Variants in MROH9 observed in about 807,000 individuals in gnomAD.
MROH9 encodes maestro heat like repeat family member 9.
MROH9 carries 92 observed loss-of-function variants against 98.2 expected under a neutral mutation model. That is an observed-to-expected ratio of 0.94 (90% confidence interval 0.79 to 1.11). MROH9 has a LOEUF of 1.11. Ranked by LOEUF, MROH9 falls within the 50% of genes most tolerant of loss-of-function variation. The pLI is 0.00. For missense variants in MROH9, 1,057 were observed against 1,014.8 expected (o/e 1.04, Z -0.57); for synonymous variants, 397 against 368.9 (o/e 1.08, Z -0.87).
At chr1:171,010,816 C>T (rs987773041) in intron 15 of MROH9, among the ~76,000 whole-genome samples, 2 of 151,662 alleles carry the variant, frequency 1.3e-5, no homozygotes, top group African/African-American at 4.8e-5. Flanking sequence ...TAAATTTGTT[C>T]AAGTTCTTTG....
intron 15 of MROH9, among the ~76,000 whole-genome samples, chr1:171,010,013 T>C (rs958153653): frequency 2.0e-5 from 3 of 152,228 alleles, no homozygotes; most frequent in African/African-American, 7.2e-5. Flanking sequence ...TTTTGTTACA[T>C]AGGTATACAC....
intron 20 of MROH9, among the ~76,000 whole-genome samples, chr1:171,050,370 GTTC>G (rs1344574139): frequency 8.5e-5 from 13 of 152,076 alleles, no homozygotes; most frequent in African/African-American, 3.1e-4. Context: ...GTGTTTTATA[GTTC>G]TTCTTATAGA....
At position 171,024,406 on chromosome 1, in the gene MROH9, C is replaced by T. The variant is rs1446202480; in HGVS notation, c.1920C>T (p.Gly640=). The T allele has an allele frequency of 1.3e-6, 2 of 1,550,754 alleles. No individual in the cohort carries two copies. Among genetic ancestry groups the T allele is most frequent in the Non-Finnish European group, 1.7e-6 (2 of 1,146,784 alleles). ...TTTGTCTTTTACAGATTAATGGAGG[C>T]ATTCGAAGTATGGCAATTCGACACT... The part of the protein sequence containing the change: ...YCTLMDHING[G]IRSMAIRHFG... Residue 640 remains glycine, a synonymous_variant, in exon 18 of 22, where the codon GGC becomes GGT. Coordinates refer to ENST00000367759, the MANE Select transcript of MROH9 (RefSeq NM_001163629.2).
chr1:170,990,026 C>A, intron 11 of MROH9, 23 bp downstream of exon 11: 1 of 1,593,872 alleles, frequency 6.3e-7, no homozygotes, highest in Non-Finnish European at 8.6e-7. Flanking sequence ...AACCCTCTGT[C>A]CCTTCCACAA....
At chr1:170,995,674 G>A (rs1311555894) in intron 13 of MROH9, 143 bp downstream of exon 13, 9 of 970,906 alleles carry the variant, frequency 9.3e-6, no homozygotes, top group East Asian at 2.7e-5. Context: ...CCTCTGAATG[G>A]TAGAATGCCT....
Position 170,958,581 on chromosome 1 carries a change from T to TATATTA in MROH9, c.152+41_152+42insATATTA. On this transcript the variant is annotated intron_variant, in intron 4 of 21. Transcript: ENST00000367759. ...ATGCTCTTTTATTTCACTAATTGGA[T>TATATTA]GCATTTAAAATGTTATATCTTTAAA... is the stretch of plus-strand genomic sequence containing the variant. The TATATTA allele has an allele frequency of 3.0e-6, 4 of 1,316,724 alleles. No homozygotes were observed. The African/African-American group carries it at 4.4e-5, about 15-fold the overall frequency. 81.6% of individuals were successfully genotyped at this position (1,316,724 alleles called of 1,614,324 possible).
rs769858971 is a variant in MROH9, at chr1:170,947,551, A to G, written c.50A>G (p.Asp17Gly). 6 of 1,611,118 alleles carry G rather than the reference A, an allele frequency of 3.7e-6. No homozygotes were observed. The East Asian group carries it at 1.1e-4, about 30-fold the overall frequency. ...KTKSSLQILQ[D>G]SVKWHHMAHK... ...GAGAGTAGTCTCCAGATTCTGCAAG[A>G]CAGTGTGAAATGGCACCACATGGTA... The change falls in exon 3 of 22, where the codon GAC becomes GGC. Residue 17 changes from aspartate (D) to glycine (G), a missense_variant. Transcript: ENST00000367759.
At chr1:170,981,856 T>C (rs1174989330) in intron 8 of MROH9, among the ~76,000 whole-genome samples, 1 of 152,030 alleles carries the variant, frequency 6.6e-6, no homozygotes, top group Non-Finnish European at 1.5e-5. Context: ...GTTCTATATA[T>C]ACTTATTAAA....
intron 15 of MROH9, among the ~76,000 whole-genome samples, chr1:170,998,967 TA>T (rs1651689730): frequency 6.6e-6 from 1 of 152,274 alleles, no homozygotes; most frequent in South Asian, 2.1e-4. Flanking sequence ...CATCTACTTC[TA>T]AAACTTTCAA....
intron 12 of MROH9, among the ~76,000 whole-genome samples, chr1:170,995,086 T>TG (rs1455330812): frequency 5.9e-5 from 9 of 152,002 alleles, no homozygotes; most frequent in Non-Finnish European, 2.9e-5. Flanking sequence ...CATGGCCACA[T>TG]AGGAAGGGGA....
At chr1:171,018,154 G>A (rs968001585) in intron 17 of MROH9, among the ~76,000 whole-genome samples, 1 of 152,152 alleles carries the variant, frequency 6.6e-6, no homozygotes, top group Non-Finnish European at 1.5e-5. Flanking sequence ...ACAGGCATCA[G>A]GTTGGTGCCC....
chr1:170,978,725 G>T (rs1446410141), intron 8 of MROH9, among the ~76,000 whole-genome samples: 1 of 151,964 alleles, frequency 6.6e-6, no homozygotes, highest in Non-Finnish European at 1.5e-5. Context: ...CAGGGTGGTT[G>T]TGCTGGAGTC....
intron 20 of MROH9, among the ~76,000 whole-genome samples, chr1:171,035,098 AAT>A (rs1410620701): frequency 1.3e-5 from 2 of 152,284 alleles, no homozygotes; most frequent in East Asian, 3.9e-4. Context: ...AATGTAAGAT[AAT>A]ATCTTCATAA....
intron 6 of MROH9, among the ~76,000 whole-genome samples, chr1:170,962,543 T>TA (rs1207798421): frequency 6.6e-6 from 1 of 152,164 alleles, no homozygotes; most frequent in Non-Finnish European, 1.5e-5. Flanking sequence ...CCTAACATGT[T>TA]GGCATCAGAG....
intron 8 of MROH9, among the ~76,000 whole-genome samples, chr1:170,981,602 T>G (rs990413726): frequency 6.6e-6 from 1 of 151,860 alleles, no homozygotes; most frequent in African/African-American, 2.4e-5. Context: ...ACACCAGGGC[T>G]TGTTGGAGGT....
rs1649447255 is a variant in MROH9 at position 170,949,043 on chromosome 1, A to G, written c.72+1470A>G. ...TGTTGAACTGCAATGCACTTGCAAGATAGGTCTCAGCTACTTCTGCAGGGC... is the reference window on the plus strand; with the variant it reads ...TGTTGAACTGCAATGCACTTGCAAGGTAGGTCTCAGCTACTTCTGCAGGGC... On this transcript the variant is annotated intron_variant, in intron 3 of 21. Transcript: ENST00000367759. Among the ~76,000 whole-genome samples the G allele has an allele frequency of 2.6e-5, 4 of 152,184 alleles. No individual in the cohort carries two copies. In the South Asian group the frequency reaches 8.3e-4, roughly 32 times the overall value.
intron 3 of MROH9, among the ~76,000 whole-genome samples, chr1:170,955,059 G>C (rs1028506008): frequency 6.6e-6 from 1 of 151,998 alleles, no homozygotes; most frequent in Non-Finnish European, 1.5e-5. Context: ...GAGAACATAC[G>C]GTGTTTGGTT....
chr1:171,002,081 AT>A (rs36049917), intron 15 of MROH9, among the ~76,000 whole-genome samples: 6,928 of 152,212 alleles, frequency 0.046, 226 homozygotes, highest in Non-Finnish European at 0.068. Context: ...TGCAGTGTTC[AT>A]TTGCATGAAA....
intron 20 of MROH9, among the ~76,000 whole-genome samples, chr1:171,059,993 A>G (rs1263293250): frequency 2.6e-5 from 4 of 152,050 alleles, no homozygotes; most frequent in African/African-American, 9.7e-5. Flanking sequence ...AATGATGGAA[A>G]GAGAAAGAAA....
Sources: gnomAD v4.1 joint callset for allele counts (sites outside exome capture counted in the v4.1 genomes callset) on GRCh38, gnomAD v4.1.1 for gene constraint, MANE v1.5 for transcripts, NCBI Gene and HGNC (gene_info 2026-07-23, HGNC 2026-07-21) for gene names.